Variants in FBXW10B observed in about 807,000 individuals in gnomAD.
FBXW10B encodes the protein F-box and WD repeat domain containing protein 10B.
chr17:15,600,651 G>T, the FBXW10B span, among the ~76,000 whole-genome samples: 19 of 152,220 alleles, frequency 1.2e-4, no homozygotes, highest in African/African-American at 4.6e-4. Context: ...GGAACAAGAT[G>T]AAGATGCCCA....
chr17:15,578,103 T>C, the FBXW10B span, among the ~76,000 whole-genome samples: 1 of 151,894 alleles, frequency 6.6e-6, no homozygotes, highest in Admixed American at 6.6e-5. Flanking sequence ...GGGGGCCAAT[T>C]CTAGGGCAAA....
chr17:15,567,602 G>A, the FBXW10B span, among the ~76,000 whole-genome samples: 1 of 152,160 alleles, frequency 6.6e-6, no homozygotes, highest in South Asian at 2.1e-4. Flanking sequence ...GCTGGGGCAG[G>A]AGGATTGCTT....
the FBXW10B span, among the ~76,000 whole-genome samples, chr17:15,578,336 G>C: frequency 6.6e-6 from 1 of 150,736 alleles, no homozygotes. Context: ...ATACCTCCGG[G>C]TAGCTGCACG....
chr17:15,612,929 T>C, the FBXW10B span: 1 of 1,446,856 alleles, frequency 6.9e-7, no homozygotes, highest in Non-Finnish European at 9.2e-7. Flanking sequence ...ATCTGAAGGA[T>C]GGGTAAGCCC....
At chr17:15,588,885 T>C in the FBXW10B span, 1,204 of 1,614,198 alleles carry the variant, frequency 7.5e-4, 1 homozygote, top group Non-Finnish European at 8.7e-4. Flanking sequence ...CCACTTGTTG[T>C]GCTGTTCCAG....
At chr17:15,602,923 G>A in the FBXW10B span, among the ~76,000 whole-genome samples, 4 of 110,036 alleles carry the variant, frequency 3.6e-5, 1 homozygote, top group East Asian at 5.4e-4. Context: ...CACCGCGCCC[G>A]GCGAGACCGA....
the FBXW10B span, among the ~76,000 whole-genome samples, chr17:15,601,288 A>T: frequency 1.3e-5 from 2 of 149,486 alleles, no homozygotes; most frequent in Non-Finnish European, 3.0e-5. Context: ...GGGCGCCTGT[A>T]GTCCCAGCTA....
the FBXW10B span, chr17:15,612,906 A>G: frequency 1.3e-6 from 2 of 1,516,364 alleles, no homozygotes; most frequent in Non-Finnish European, 1.8e-6. Context: ...GGGAAAAACT[A>G]GTTCTTGGCA....
At chr17:15,573,794 T>C in the FBXW10B span, 235 of 235,952 alleles carry the variant, frequency 1.0e-3, 1 homozygote, top group African/African-American at 4.8e-3. Context: ...TTGGCTGTTT[T>C]TGAAATAGTT....
the FBXW10B span, among the ~76,000 whole-genome samples, chr17:15,617,737 A>C: frequency 1.3e-5 from 2 of 152,168 alleles, no homozygotes; most frequent in Non-Finnish European, 2.9e-5. Context: ...GCATTCCACC[A>C]TAAGTGGAAG....
At chr17:15,587,843 G>A in the FBXW10B span, among the ~76,000 whole-genome samples, 6 of 152,238 alleles carry the variant, frequency 3.9e-5, no homozygotes, top group African/African-American at 1.2e-4. Context: ...GCTAAGAAAC[G>A]TGTTGTGGAA....
At chr17:15,584,156 T>C in the FBXW10B span, among the ~76,000 whole-genome samples, 3 of 152,218 alleles carry the variant, frequency 2.0e-5, no homozygotes, top group Non-Finnish European at 2.9e-5. Flanking sequence ...CATAAGATAT[T>C]TATCCCAACA....
At chr17:15,585,567 T>G in the FBXW10B span, among the ~76,000 whole-genome samples, 1 of 152,226 alleles carries the variant, frequency 6.6e-6, no homozygotes, top group African/African-American at 2.4e-5. Context: ...AAATCAGGAC[T>G]GTGAAGTGGA....
chr17:15,603,298 G>A, the FBXW10B span, among the ~76,000 whole-genome samples: 7 of 151,988 alleles, frequency 4.6e-5, 1 homozygote, highest in Non-Finnish European at 7.4e-5. Flanking sequence ...CATCTGCACC[G>A]TTGGCTCTCC....
the FBXW10B span, among the ~76,000 whole-genome samples, chr17:15,596,094 G>C: frequency 5.9e-5 from 9 of 151,798 alleles, no homozygotes; most frequent in African/African-American, 1.7e-4. Flanking sequence ...CACTATGTTC[G>C]TCAGGCTGGT....
At chr17:15,582,347 T>C in the FBXW10B span, among the ~76,000 whole-genome samples, 1 of 151,776 alleles carries the variant, frequency 6.6e-6, no homozygotes, top group Non-Finnish European at 1.5e-5. Flanking sequence ...AGATGAAAAA[T>C]GAACACTCTT....
At chr17:15,614,377 G>C in the FBXW10B span, among the ~76,000 whole-genome samples, 2 of 151,004 alleles carry the variant, frequency 1.3e-5, no homozygotes, top group Non-Finnish European at 1.5e-5. Flanking sequence ...TTTTTTTTTA[G>C]TAGAGGCGGG....
At chr17:15,613,706 G>A in the FBXW10B span, 1 of 1,611,052 alleles carries the variant, frequency 6.2e-7, no homozygotes, top group African/African-American at 1.4e-5. Context: ...CTGGCTCACA[G>A]AGGCGCACTT....
At chr17:15,565,770 T>G in the FBXW10B span, 4 of 1,614,018 alleles carry the variant, frequency 2.5e-6, no homozygotes, top group Non-Finnish European at 3.4e-6. Flanking sequence ...GATCAAGGGC[T>G]GTATAGATGC....
Sources: allele counts gnomAD v4.1 joint callset (sites outside exome capture counted in the v4.1 genomes callset), GRCh38; gene constraint gnomAD v4.1.1; transcripts MANE v1.5; gene names NCBI Gene and HGNC (gene_info 2026-07-23, HGNC 2026-07-21).